WWC2: variants seen among roughly 807,000 people sequenced by gnomAD.
The protein encoded by WWC2 is protein WWC2.
Under a neutral mutation model 138.5 loss-of-function variants are expected in WWC2, and 101 were observed. The observed-to-expected ratio is 0.73, with a 90% CI of 0.62 to 0.86. The LOEUF (loss-of-function observed/expected upper bound fraction) is 0.86, where lower values mean the gene tolerates loss of function less well. WWC2 is among the 40% of genes least tolerant of loss of function. WWC2 has a pLI of 0.00. For missense variants in WWC2, 1,420 were observed against 1,419.4 expected, an observed-to-expected ratio of 1.00 and a Z score of -0.01; for synonymous variants, 558 against 538.4, an observed-to-expected ratio of 1.04 and a Z score of -0.50.
At chr4:183,191,431 T>C (rs1734988894) in intron 1 of WWC2, among the ~76,000 whole-genome samples, 1 of 152,204 alleles carries the variant, frequency 6.6e-6, no homozygotes, top group South Asian at 2.1e-4. Context: ...TGTTATACTG[T>C]TTAGTTCTCA....
rs71620973 is a variant in WWC2, at chr4:183,117,356, G to A, written c.131+17734G>A. Among the ~76,000 whole-genome samples the A allele has an allele frequency of 1.5e-4, 22 of 151,364 alleles. No individual in the cohort carries two copies. In the East Asian group the frequency reaches 3.5e-3, roughly 24 times the overall value. On this transcript the variant is annotated intron_variant, in intron 1 of 22. Coordinates refer to ENST00000403733, the MANE Select transcript of WWC2 (RefSeq NM_024949.6). ...CTGCCTCAGCCTCCTGGGTAGCTGA[G>A]ATTACAGGTGCCCGCCACCATGCCC...
In WWC2 at chr4:183,289,563, A is replaced by G; in HGVS notation, c.3312A>G (p.Gly1104=). 2 of 1,613,936 alleles carry G rather than the reference A, an allele frequency of 1.2e-6. No homozygotes were observed. Among genetic ancestry groups the G allele is most frequent in the South Asian group, 2.2e-5 (2 of 91,068 alleles). Residue 1104 remains glycine, a synonymous_variant, in exon 21 of 23, where the codon GGA becomes GGG. Coordinates refer to ENST00000403733, the MANE Select transcript of WWC2 (RefSeq NM_024949.6). ...AGCTGGAGGAACTGAAAGCTCAGGGAGAGACTGACCTTCCACCAGGCGTGC... is the reference window on the plus strand; with the variant it reads ...AGCTGGAGGAACTGAAAGCTCAGGGGGAGACTGACCTTCCACCAGGCGTGC... ...RQKLEELKAQ[G]ETDLPPGVLE...
intron 4 of WWC2, among the ~76,000 whole-genome samples, chr4:183,217,065 G>T (rs1342251385): frequency 6.6e-6 from 1 of 152,186 alleles, no homozygotes; most frequent in African/African-American, 2.4e-5. Context: ...TGCTGCATTG[G>T]ACTTCTTCTA....
At chr4:183,292,447 G>T (rs1738487650) in intron 21 of WWC2, among the ~76,000 whole-genome samples, 1 of 152,064 alleles carries the variant, frequency 6.6e-6, no homozygotes, top group African/African-American at 2.4e-5. Context: ...TGAGGTTGAA[G>T]TGAGTTATGA....
At chr4:183,195,246 T>C (rs1333040553) in intron 2 of WWC2, among the ~76,000 whole-genome samples, 9 of 152,246 alleles carry the variant, frequency 5.9e-5, no homozygotes, top group Non-Finnish European at 1.3e-4. Context: ...ACTCTCACTT[T>C]TATGCTTATT....
chr4:183,222,956 A>C (rs1054620585), intron 4 of WWC2, among the ~76,000 whole-genome samples: 4 of 152,180 alleles, frequency 2.6e-5, no homozygotes, highest in African/African-American at 9.7e-5. Flanking sequence ...ACAGAGTGAG[A>C]TGCTGTCTCA....
intron 7 of WWC2, 127 bp downstream of exon 7, chr4:183,248,987 A>C: frequency 3.1e-6 from 3 of 957,010 alleles, no homozygotes. Context: ...TCAGTGTTCC[A>C]TTTTCGTAAG....
intron 1 of WWC2, among the ~76,000 whole-genome samples, chr4:183,187,597 G>A (rs1734850811): frequency 1.1e-5 from 1 of 87,260 alleles, no homozygotes; most frequent in African/African-American, 4.7e-5. Context: ...TAGGCATGGT[G>A]CGGTGGCTCA....
intron 21 of WWC2, among the ~76,000 whole-genome samples, chr4:183,292,956 T>C (rs2871355): frequency 0.21 from 31,765 of 152,178 alleles, 3,634 homozygotes; most frequent in Non-Finnish European, 0.26. Context: ...TTGTTTTCTT[T>C]GGTTTGGTTT....
intron 1 of WWC2, among the ~76,000 whole-genome samples, chr4:183,177,027 G>A (rs1351917649): frequency 6.6e-6 from 1 of 152,182 alleles, no homozygotes; most frequent in Admixed American, 6.5e-5. Context: ...AGCAGCAGTC[G>A]CTGTTCTAGC....
chr4:183,187,566 T>TAATAATA (rs2111197407), intron 1 of WWC2, among the ~76,000 whole-genome samples: 1 of 133,912 alleles, frequency 7.5e-6, no homozygotes, highest in South Asian at 2.4e-4. Context: ...ATAATAATAA[T>TAATAATA]AATAATAATA....
chr4:183,121,535 A>T (rs1484095210), intron 1 of WWC2, among the ~76,000 whole-genome samples: 2 of 152,114 alleles, frequency 1.3e-5, no homozygotes, highest in African/African-American at 2.4e-5. Context: ...AATCTAATAG[A>T]GGTGGGTCAG....
chr4:183,255,877 C>CTTTTTTTTT (rs551883972), intron 9 of WWC2, among the ~76,000 whole-genome samples: 1,875 of 140,670 alleles, frequency 0.013, 50 homozygotes, highest in African/African-American at 0.047. Context: ...GCTTTTTTTC[C>CTTTTTTTTT]TTTTTTTTTT....
intron 1 of WWC2, among the ~76,000 whole-genome samples, chr4:183,107,458 C>CT (rs1005291486): frequency 1.3e-5 from 2 of 151,998 alleles, no homozygotes; most frequent in Middle Eastern, 3.2e-3. Flanking sequence ...TCACTTCTTT[C>CT]TTTTTTTTAA....
chr4:183,118,089 C>A (rs534069577), intron 1 of WWC2, among the ~76,000 whole-genome samples: 3 of 152,192 alleles, frequency 2.0e-5, no homozygotes, highest in Non-Finnish European at 4.4e-5. Context: ...TGAGCCACTG[C>A]GCCTGGCCGG....
intron 21 of WWC2, among the ~76,000 whole-genome samples, chr4:183,309,262 C>T (rs572616444): frequency 6.6e-6 from 1 of 152,292 alleles, no homozygotes; most frequent in East Asian, 1.9e-4. Flanking sequence ...TAATTTAAAA[C>T]TTCTCTGTGA....
In WWC2 at chr4:183,304,922, C is replaced by T. The variant is rs546414586; in HGVS notation, c.3385-7419C>T. ...AGGCAAAACAAGCATCAGAACCAGA[C>T]TCACACATGGCAGGGATGCTGGACT... On this transcript the variant is annotated intron_variant, in intron 21 of 22. Coordinates refer to ENST00000403733, the MANE Select transcript of WWC2 (RefSeq NM_024949.6). Among the ~76,000 whole-genome samples the T allele has an allele frequency of 2.6e-5, 4 of 152,296 alleles. No homozygotes were observed. In the South Asian group the frequency reaches 8.3e-4, roughly 32 times the overall value.
intron 21 of WWC2, among the ~76,000 whole-genome samples, chr4:183,298,010 G>C (rs886688962): frequency 4.6e-5 from 7 of 152,260 alleles, no homozygotes; most frequent in Admixed American, 3.9e-4. Context: ...ATACCTTCAT[G>C]AAGTCCACCA....
chr4:183,257,525 T>C (rs1436033774), intron 9 of WWC2, among the ~76,000 whole-genome samples: 1 of 152,066 alleles, frequency 6.6e-6, no homozygotes, highest in Non-Finnish European at 1.5e-5. Context: ...GGAAACCCTT[T>C]CTCATCCAGC....
Sources: allele counts gnomAD v4.1 joint callset (sites outside exome capture counted in the v4.1 genomes callset), GRCh38; gene constraint gnomAD v4.1.1; transcripts MANE v1.5; gene names NCBI Gene and HGNC (gene_info 2026-07-23, HGNC 2026-07-21).